Variants in MYO5A observed in about 807,000 individuals in gnomAD.
MYO5A encodes myosin VA.
MYO5A carries 98 observed loss-of-function variants against 249.7 expected under a neutral mutation model. That is an observed-to-expected ratio of 0.39 (90% CI 0.33 to 0.46). The LOEUF is 0.46. MYO5A is among the 20% of genes least tolerant of loss of function. The pLI is 0.98. For synonymous variants in MYO5A, 778 were observed against 810.6 expected, an observed-to-expected ratio of 0.96 and a Z score of 0.68; for missense variants, 1,696 against 2,308.8, an observed-to-expected ratio of 0.73 and a Z score of 5.44.
At chr15:52,505,708 T>C in intron 1 of MYO5A, 1 of 1,351,776 alleles carries the variant, frequency 7.4e-7, no homozygotes, top group South Asian at 1.2e-5. Flanking sequence ...CTGGGACTCA[T>C]CTAAACTAGT....
At chr15:52,403,420 T>C (rs896152201) in intron 9 of MYO5A, among the ~76,000 whole-genome samples, 1 of 152,216 alleles carries the variant, frequency 6.6e-6, no homozygotes, top group African/African-American at 2.4e-5. Context: ...TGCTACAACA[T>C]GGATGGATTT....
intron 1 of MYO5A, among the ~76,000 whole-genome samples, chr15:52,524,253 T>A (rs1287387558): frequency 1.3e-5 from 2 of 152,320 alleles, no homozygotes; most frequent in East Asian, 3.9e-4. Flanking sequence ...AAATTAAAAC[T>A]TTTTTAAAAT....
chr15:52,333,463 G>A (rs745457126), intron 34 of MYO5A, among the ~76,000 whole-genome samples: 20 of 152,114 alleles, frequency 1.3e-4, no homozygotes, highest in Non-Finnish European at 2.6e-4. Flanking sequence ...GCCCTTAGAA[G>A]GTATGTGTTC....
At chr15:52,398,104 G>A (rs529306727) in intron 9 of MYO5A, among the ~76,000 whole-genome samples, 1 of 152,230 alleles carries the variant, frequency 6.6e-6, no homozygotes, top group East Asian at 1.9e-4. Context: ...GAAGCTGAAT[G>A]AGGGAGAAAA....
chr15:52,442,450 C>A (rs952860303), intron 1 of MYO5A, among the ~76,000 whole-genome samples: 1 of 152,180 alleles, frequency 6.6e-6, no homozygotes, highest in Non-Finnish European at 1.5e-5. Flanking sequence ...TACCTCACTG[C>A]AGCGTCACAG....
At chr15:52,355,311 T>C (rs1400322445) in intron 25 of MYO5A, among the ~76,000 whole-genome samples, 1 of 152,190 alleles carries the variant, frequency 6.6e-6, no homozygotes, top group East Asian at 1.9e-4. Context: ...GGATCAAAAA[T>C]ATTCCCCCCC....
intron 35 of MYO5A, among the ~76,000 whole-genome samples, chr15:52,328,283 A>C (rs1323558225): frequency 6.6e-6 from 1 of 150,754 alleles, no homozygotes; most frequent in African/African-American, 2.5e-5. Flanking sequence ...CTGCTCAGGC[A>C]CATGAAACTA....
chr15:52,477,114 C>T (rs1323286927), intron 1 of MYO5A, among the ~76,000 whole-genome samples: 4 of 152,168 alleles, frequency 2.6e-5, no homozygotes, highest in Non-Finnish European at 4.4e-5. Context: ...TTTCTCTAAA[C>T]TTCTCTTCTT....
chr15:52,382,805 G>C (rs1332821610), intron 16 of MYO5A, among the ~76,000 whole-genome samples: 1 of 152,168 alleles, frequency 6.6e-6, no homozygotes, highest in East Asian at 1.9e-4. Flanking sequence ...AAAAATCCCA[G>C]AGAGATCAAT....
At chr15:52,314,086 G>A (rs2037874431) in intron 41 of MYO5A, 37 bp downstream of exon 41, 33 of 1,497,996 alleles carry the variant, frequency 2.2e-5, no homozygotes, top group Non-Finnish European at 3.1e-5. Context: ...TCAAAAGACT[G>A]TGTTGGTGAA....
At chr15:52,402,994 T>C (rs559180851) in intron 9 of MYO5A, among the ~76,000 whole-genome samples, 5 of 152,278 alleles carry the variant, frequency 3.3e-5, no homozygotes, top group Non-Finnish European at 5.9e-5. Context: ...ATAAAAATCA[T>C]AGAATTACAA....
Position 52,344,474 on chromosome 15 carries a change from C to T in MYO5A, c.3960-1277G>A, listed in dbSNP as rs149245834. 5.4e-4 allele frequency among the ~76,000 whole-genome samples: 82 copies of T among 152,298 alleles called. 1 individual carries two copies. The East Asian group carries it at 9.8e-3, about 18-fold the overall frequency. The stretch of plus-strand genomic sequence containing the variant: ...GTCACCTTCAGGCTTCTCCATCCCT[C>T]GCCCACACATTCAATAAACCAAACA... On this transcript the variant is annotated intron_variant, in intron 30 of 41. Transcript: ENST00000399233.
At chr15:52,452,758 G>A (rs1298024441) in intron 1 of MYO5A, among the ~76,000 whole-genome samples, 1 of 151,006 alleles carries the variant, frequency 6.6e-6, no homozygotes, top group Non-Finnish European at 1.5e-5. Flanking sequence ...TGAGGCAGAA[G>A]AATCACTTGT....
At chr15:52,346,749 T>A in intron 29 of MYO5A, 1 of 429,236 alleles carries the variant, frequency 2.3e-6, no homozygotes, top group Non-Finnish European at 4.4e-6. Flanking sequence ...ATGGGCCATA[T>A]ATGTGTTTTA....
At chr15:52,335,765 T>TC (rs1012830604) in intron 34 of MYO5A, among the ~76,000 whole-genome samples, 3 of 152,162 alleles carry the variant, frequency 2.0e-5, no homozygotes, top group African/African-American at 7.2e-5. Flanking sequence ...TTCATATTTT[T>TC]CTTTTTTACT....
chr15:52,380,522 C>T (rs868749346), intron 16 of MYO5A, among the ~76,000 whole-genome samples: 1 of 151,924 alleles, frequency 6.6e-6, no homozygotes, highest in East Asian at 1.9e-4. Context: ...AATCCCAGCA[C>T]TTTAGGAGGC....
intron 39 of MYO5A, among the ~76,000 whole-genome samples, chr15:52,318,444 A>T (rs922056510): frequency 2.1e-5 from 3 of 145,586 alleles, no homozygotes; most frequent in African/African-American, 7.9e-5. Context: ...CAACAAGAGC[A>T]AAACTCCATC....
intron 5 of MYO5A, among the ~76,000 whole-genome samples, chr15:52,415,325 A>G (rs952649474): frequency 5.3e-5 from 8 of 152,360 alleles, no homozygotes; most frequent in African/African-American, 7.2e-5. Flanking sequence ...TCTCCATTTA[A>G]TAAGTCTTCA....
intron 1 of MYO5A, among the ~76,000 whole-genome samples, chr15:52,452,772 C>T (rs913638886): frequency 6.6e-6 from 1 of 151,360 alleles, no homozygotes; most frequent in East Asian, 1.9e-4. Context: ...CACTTGTACC[C>T]GGGAGGCATA....
Sources: allele counts gnomAD v4.1 joint callset (sites outside exome capture counted in the v4.1 genomes callset), GRCh38; gene constraint gnomAD v4.1.1; transcripts MANE v1.5; gene names NCBI Gene and HGNC (gene_info 2026-07-23, HGNC 2026-07-21).